The following LHX6 variants were observed in gnomAD, a reference collection of about 807,000 sequenced individuals.
The protein encoded by LHX6 is LIM homeobox 6, also known as LIM/homeobox protein Lhx6.
Under a neutral mutation model 47.1 loss-of-function variants are expected in LHX6, and 15 were observed. The ratio of observed to expected loss-of-function variants is 0.32; its 90% CI spans 0.21 to 0.49. LHX6 has a LOEUF of 0.49. Among genes scored for constraint, LHX6 ranks in the 20% least tolerant of loss-of-function variants. The pLI is 0.99. For synonymous variants in LHX6, 242 were observed against 233.5 expected, an observed-to-expected ratio of 1.04 and a Z score of -0.33; for missense variants, 404 against 539.6, an observed-to-expected ratio of 0.75 and a Z score of 2.49.
intron 9 of LHX6, among the ~76,000 whole-genome samples, chr9:122,205,930 G>C (rs1292084924): frequency 1.3e-5 from 2 of 152,020 alleles, no homozygotes; most frequent in Non-Finnish European, 2.9e-5. Flanking sequence ...AGAGTGGCCA[G>C]GGTGGGCATT....
At chr9:122,206,382 C>T (rs1830180432) in intron 9 of LHX6, among the ~76,000 whole-genome samples, 2 of 152,186 alleles carry the variant, frequency 1.3e-5, no homozygotes, top group South Asian at 2.1e-4. Context: ...GTGCTGGCCA[C>T]ACACATACCA....
rs201448634 is a variant in LHX6 at position 122,228,493 on chromosome 9, C to CA, written c.84+163_84+164insT. On this transcript the variant is annotated intron_variant, in intron 1 of 9. Transcript: ENST00000394319. The stretch of plus-strand genomic sequence containing the variant: ...GTGTTCCCGCTTTCCGCGACCCCCC[C>CA]CCCCCGCTCGCGCGCGCGCTCCCAC... 2.7e-5 allele frequency: 36 copies of CA among 1,338,004 alleles called. 1 individual carries two copies. Among genetic ancestry groups the CA allele is most frequent in the Middle Eastern group, 2.2e-4 (1 of 4,554 alleles). 82.9% of individuals were successfully genotyped at this position (1,338,004 alleles called of 1,614,324 possible).
At chr9:122,224,365 C>T (rs1831003146) in intron 4 of LHX6, among the ~76,000 whole-genome samples, 2 of 152,152 alleles carry the variant, frequency 1.3e-5, no homozygotes, top group Admixed American at 6.5e-5. Flanking sequence ...AGGCCTAGAG[C>T]AGGGAGGTGG....
In LHX6 at chr9:122,226,216, CGCGCCGCTGA is replaced by C. The variant is rs1831090108; in HGVS notation, c.461+150_461+159del. ...GGCGCGCTGCCTGGAGCTCTGGGTT[CGCGCCGCTGA>C]GCGCCGGCAGGTTGGACCAGCGCTG... On this transcript the variant is annotated intron_variant, in intron 4 of 9. Transcript: ENST00000394319. This position sits in a 1 kb window ranked among gnomAD's most constrained non-coding sequence, Gnocchi z 6.5. 6.6e-6 allele frequency among the ~76,000 whole-genome samples: 1 copy of C among 152,212 alleles called. No homozygotes were observed.
Position 122,203,608 on chromosome 9 carries a change from G to A in LHX6, c.*1152C>T, listed in dbSNP as rs181437437. 69 of 152,806 alleles carry A rather than the reference G, an allele frequency of 4.5e-4. No individual in the cohort carries two copies. Among genetic ancestry groups the A allele is most frequent in the East Asian group, 4.1e-3 (21 of 5,180 alleles). 9.5% of individuals were successfully genotyped at this position (152,806 alleles called of 1,614,324 possible). ...AGAGTTGTAGCAGGATGGATGTTAC[G>A]CAGCTGTGTCTGACCTCTGTTCTCA... On this transcript the variant is annotated 3_prime_UTR_variant, in exon 10 of 10. Coordinates refer to ENST00000394319, the MANE Select transcript of LHX6 (RefSeq NM_014368.5).
chr9:122,226,966 C>G lies in LHX6; in HGVS notation c.221G>C (p.Cys74Ser). The change falls in exon 3 of 10, where the codon TGT becomes TCT. Residue 74 changes from cysteine to serine, a missense_variant. Transcript: ENST00000394319. This position sits in a 1 kb window ranked among gnomAD's most constrained non-coding sequence, Gnocchi z 6.5. ...LDKDEGQASPCTPSTPSVCSP... is the reference protein window; with the variant it reads ...LDKDEGQASPSTPSTPSVCSP... Reference sequence around the variant, plus strand: ...GCAGACAGATGGCGTGCTGGGCGTACATGGGGAGGCCTGACCCTCGTCCTT... The same window carrying G: ...GCAGACAGATGGCGTGCTGGGCGTAGATGGGGAGGCCTGACCCTCGTCCTT... The G allele has an allele frequency of 6.4e-7, 1 of 1,551,654 alleles. No homozygotes were observed. Among genetic ancestry groups the G allele is most frequent in the Non-Finnish European group, 8.7e-7 (1 of 1,147,834 alleles).
intron 2 of LHX6, 141 bp from the exon 3 acceptor site, chr9:122,227,171 G>A: frequency 3.6e-6 from 3 of 844,822 alleles, no homozygotes; most frequent in Non-Finnish European, 5.2e-6. Context: ...GAAGGACAGG[G>A]ATGGAAGGGC....
chr9:122,227,488 A>C lies in LHX6; in HGVS notation c.85-8T>G, dbSNP rs566350165. On this transcript the variant is annotated splice_polypyrimidine_tract_variant and splice_region_variant and intron_variant, in intron 1 of 9. Transcript: ENST00000394319. Reference sequence around the variant, plus strand: ...CCCTGGCTGGGCCATCACCTGGGGGAGGGGGGGAGGGAACGCAGGCGGCGG... The same window carrying C: ...CCCTGGCTGGGCCATCACCTGGGGGCGGGGGGGAGGGAACGCAGGCGGCGG... 2.8e-6 allele frequency: 1 copy of C among 359,964 alleles called. No homozygotes were observed. Among genetic ancestry groups the C allele is most frequent in the East Asian group, 1.0e-4 (1 of 9,874 alleles). The allele number at this position is 359,964 out of a possible 1,614,324, so 22.3% of individuals were successfully genotyped here. A position where few individuals can be genotyped will look rare whatever the true frequency, so the allele number is the denominator to read the frequency against.
Position 122,204,249 on chromosome 9 carries a change from CAT to C in LHX6, c.*509_*510del, listed in dbSNP as rs10568818. On this transcript the variant is annotated 3_prime_UTR_variant, in exon 10 of 10. Transcript: ENST00000394319. ...ACAGATGGAAATGATAAAATTAGAA[CAT>C]AGCTTTCCTTTGGGGACATCCCACA... is the stretch of plus-strand genomic sequence containing the variant. The C allele has an allele frequency of 0.026, 4,059 of 157,172 alleles. 176 individuals carry two copies. The highest frequency in any genetic ancestry group is 0.092 in the African/African-American group (3,855 of 41,762). 9.7% of individuals were successfully genotyped at this position (157,172 alleles called of 1,614,324 possible).
rs1831168457 is a variant in LHX6, at chr9:122,227,621, C to G, written c.85-141G>C. 7 of 1,357,616 alleles carry G rather than the reference C, an allele frequency of 5.2e-6. No homozygotes were observed. The South Asian group carries it at 7.4e-5, about 14-fold the overall frequency. The allele number at this position is 1,357,616 out of a possible 1,614,324, so 84.1% of individuals were successfully genotyped here. ...TAACTTTGTAGTGGGCATTTAAAGC[C>G]CTTCCCCACAAAAGCGGTGTCTCTC... is the stretch of plus-strand genomic sequence containing the variant. On this transcript the variant is annotated intron_variant, in intron 1 of 9. Transcript: ENST00000394319.
rs566312615 is a variant in LHX6 at position 122,221,605 on chromosome 9, A to C, written c.462-4317T>G. On this transcript the variant is annotated intron_variant, in intron 4 of 9. Transcript: ENST00000394319. ...CACGAGGGGAAGCAGTTAACCCTTT[A>C]CTCCCCACTCCCATTGTCAGAAGGC... 21 of 984,600 alleles carry C rather than the reference A, an allele frequency of 2.1e-5. No homozygotes were observed. In the African/African-American group the frequency reaches 3.0e-4, roughly 14 times the overall value. The allele number at this position is 984,600 out of a possible 1,614,324, so 61.0% of individuals were successfully genotyped here.
At chr9:122,228,302 G>A (rs1227395826) in intron 1 of LHX6, 9 of 1,534,744 alleles carry the variant, frequency 5.9e-6, no homozygotes, top group Admixed American at 2.0e-5. Context: ...CGGCGCGCCG[G>A]GTACCGGCCC....
At chr9:122,227,361 C>T (rs1381954502) in intron 2 of LHX6, 48 bp downstream of exon 2, 2 of 1,460,986 alleles carry the variant, frequency 1.4e-6, no homozygotes, top group Non-Finnish European at 1.8e-6. Context: ...TCCCCAGGGC[C>T]GGGCCGCTGG....
Position 122,217,907 on chromosome 9 carries a change from A to G in LHX6, c.462-619T>C, listed in dbSNP as rs1830658282. Reference sequence around the variant, plus strand: ...TGAGTTCTCGTTTTCCTTGTCCTGCACTGAACTAGATGACAACAGCAATGA... The same window carrying G: ...TGAGTTCTCGTTTTCCTTGTCCTGCGCTGAACTAGATGACAACAGCAATGA... On this transcript the variant is annotated intron_variant, in intron 4 of 9. Coordinates refer to ENST00000394319, the MANE Select transcript of LHX6 (RefSeq NM_014368.5). This position sits in a 1 kb window ranked among gnomAD's most constrained non-coding sequence, Gnocchi z 4.9. Among the ~76,000 whole-genome samples the G allele has an allele frequency of 6.6e-6, 1 of 152,248 alleles. No individual in the cohort carries two copies. The highest frequency in any genetic ancestry group is 1.5e-5 in the Non-Finnish European group (1 of 68,040).
chr9:122,207,686 T>C (rs932017629), intron 9 of LHX6, among the ~76,000 whole-genome samples: 3 of 152,124 alleles, frequency 2.0e-5, no homozygotes, highest in African/African-American at 7.2e-5. Flanking sequence ...CTCCACACCA[T>C]ACACATTCTC....
chr9:122,203,798 T>G lies in LHX6; in HGVS notation c.*962A>C, dbSNP rs565298105. ...TGCCATTTCACTGGGCTCTGTTCCC[T>G]CTCCCCTATAAGGGATTCCCCTTCC... On this transcript the variant is annotated 3_prime_UTR_variant, in exon 10 of 10. Coordinates refer to ENST00000394319, the MANE Select transcript of LHX6 (RefSeq NM_014368.5). 7 of 152,786 alleles carry G rather than the reference T, an allele frequency of 4.6e-5. No homozygotes were observed. The highest frequency in any genetic ancestry group is 3.9e-4 in the Admixed American group (6 of 15,290). 9.5% of individuals were successfully genotyped at this position (152,786 alleles called of 1,614,324 possible).
intron 4 of LHX6, among the ~76,000 whole-genome samples, chr9:122,225,125 C>A (rs1001384742): frequency 4.6e-5 from 7 of 151,922 alleles, no homozygotes; most frequent in African/African-American, 1.7e-4. Context: ...GAGGAGATCG[C>A]CTTCCACCAT....
chr9:122,227,126 C>T, intron 2 of LHX6, 96 bp from the exon 3 acceptor site: 2 of 1,156,208 alleles, frequency 1.7e-6, no homozygotes, highest in East Asian at 2.6e-5. Flanking sequence ...CACCAATTGA[C>T]AACGAAATCT....
chr9:122,220,562 T>C (rs923749555), intron 4 of LHX6, among the ~76,000 whole-genome samples: 5 of 152,120 alleles, frequency 3.3e-5, no homozygotes, highest in African/African-American at 1.2e-4. Flanking sequence ...CAACGAAACT[T>C]CAAGAAACAG....
Sources: allele counts gnomAD v4.1 joint callset (sites outside exome capture counted in the v4.1 genomes callset), GRCh38; gene constraint gnomAD v4.1.1; non-coding constraint Gnocchi (gnomAD v3.1); transcripts MANE v1.5; gene names NCBI Gene and HGNC (gene_info 2026-07-23, HGNC 2026-07-21).